Variants in SRBD1 observed in about 807,000 individuals in gnomAD.
The protein encoded by SRBD1 is S1 RNA-binding domain-containing protein 1.
Under a neutral mutation model 115.3 loss-of-function variants are expected in SRBD1, and 88 were observed. The observed-to-expected ratio is 0.76, with a 90% CI of 0.64 to 0.91. The LOEUF is 0.91. SRBD1 is among the 40% of genes least tolerant of loss of function. The pLI is 0.00. For missense variants in SRBD1, 1,385 were observed against 1,177.4 expected (o/e 1.18, Z -2.58); for synonymous variants, 509 against 407.7 (o/e 1.25, Z -2.99).
intron 14 of SRBD1, among the ~76,000 whole-genome samples, chr2:45,531,464 A>G (rs997494450): frequency 4.0e-5 from 6 of 151,872 alleles, no homozygotes; most frequent in African/African-American, 1.4e-4. Context: ...AATAAAGTAT[A>G]TATTTGAAGG....
chr2:45,403,689 T>C (rs1175950584), intron 19 of SRBD1, among the ~76,000 whole-genome samples: 1 of 152,156 alleles, frequency 6.6e-6, no homozygotes, highest in Admixed American at 6.6e-5. Flanking sequence ...TTTACTATGA[T>C]ATTCTACTAT....
At chr2:45,403,749 G>A (rs1170225784) in intron 19 of SRBD1, among the ~76,000 whole-genome samples, 1 of 151,962 alleles carries the variant, frequency 6.6e-6, no homozygotes. Context: ...AGTGGGGTAT[G>A]GTGGAGTAAC....
intron 14 of SRBD1, among the ~76,000 whole-genome samples, chr2:45,493,154 A>G (rs1409174729): frequency 6.6e-6 from 1 of 152,226 alleles, no homozygotes; most frequent in Non-Finnish European, 1.5e-5. Flanking sequence ...TTTAAAAATA[A>G]TTTATCTAAA....
intron 19 of SRBD1, among the ~76,000 whole-genome samples, chr2:45,405,935 G>A (rs1667424096): frequency 6.6e-6 from 1 of 152,140 alleles, no homozygotes; most frequent in Non-Finnish European, 1.5e-5. Context: ...AAGATAAAAG[G>A]TGGCCACAGC....
chr2:45,610,273 A>G (rs1674404030), intron 1 of SRBD1, among the ~76,000 whole-genome samples: 1 of 152,244 alleles, frequency 6.6e-6, no homozygotes, highest in Admixed American at 6.5e-5. Context: ...ACTAAATTAA[A>G]ATTGGAAAAA....
chr2:45,583,614 A>G (rs1177116929), intron 5 of SRBD1, among the ~76,000 whole-genome samples: 2 of 152,156 alleles, frequency 1.3e-5, no homozygotes, highest in African/African-American at 4.8e-5. Context: ...TGTATTTTCT[A>G]TTCACTATTT....
rs184361842 is a variant in SRBD1, at chr2:45,454,279, T to C, written c.2049+22714A>G. Among the ~76,000 whole-genome samples, 307 of 152,020 alleles carry C rather than the reference T, an allele frequency of 2.0e-3. 2 individuals carry two copies. Among genetic ancestry groups the C allele is most frequent in the African/African-American group, 7.3e-3 (302 of 41,542 alleles). On this transcript the variant is annotated intron_variant, in intron 16 of 20. Transcript: ENST00000263736. ...TGTGAGATAATGACTGGGAGCATGA[T>C]TCACTTTGAAAGACCTGGGAGAGTT...
At chr2:45,598,858 G>T (rs1041819698) in intron 4 of SRBD1, among the ~76,000 whole-genome samples, 1 of 152,162 alleles carries the variant, frequency 6.6e-6, no homozygotes, top group Admixed American at 6.5e-5. Context: ...AATGGTCCCA[G>T]AATGTGCTGG....
intron 17 of SRBD1, 73 bp from the exon 18 acceptor site, chr2:45,418,614 A>AT: frequency 3.7e-6 from 5 of 1,354,158 alleles, no homozygotes; most frequent in African/African-American, 1.5e-5. Flanking sequence ...CATTTGGATC[A>AT]TAAAAACGAC....
At position 45,610,101 on chromosome 2, in the gene SRBD1, G is replaced by A. The variant is rs564868289; in HGVS notation, c.-1+1118C>T. 2.0e-5 allele frequency among the ~76,000 whole-genome samples: 3 copies of A among 152,166 alleles called. No individual in the cohort carries two copies. In the South Asian group the frequency reaches 6.2e-4, roughly 31 times the overall value. Reference sequence around the variant, plus strand: ...ATATTCCTATTCTTCAGTGACTTGGGATTTTTCCCTCCTTTCAAACTATCT... The same window carrying A: ...ATATTCCTATTCTTCAGTGACTTGGAATTTTTCCCTCCTTTCAAACTATCT... On this transcript the variant is annotated intron_variant, in intron 1 of 20. Transcript: ENST00000263736.
At chr2:45,405,454 T>G (rs1257032873) in intron 19 of SRBD1, among the ~76,000 whole-genome samples, 1 of 152,158 alleles carries the variant, frequency 6.6e-6, no homozygotes. Flanking sequence ...TGCTAAGATA[T>G]TCATGAGAAA....
intron 1 of SRBD1, among the ~76,000 whole-genome samples, chr2:45,609,043 G>A (rs1036817242): frequency 6.6e-6 from 1 of 152,098 alleles, no homozygotes; most frequent in Non-Finnish European, 1.5e-5. Flanking sequence ...CTGGCCTCAG[G>A]TGATCTGCCT....
At chr2:45,569,692 A>C (rs1672950882) in intron 9 of SRBD1, among the ~76,000 whole-genome samples, 1 of 152,182 alleles carries the variant, frequency 6.6e-6, no homozygotes, top group Non-Finnish European at 1.5e-5. Context: ...TTCTCAAAAA[A>C]CTATAAAACC....
intron 16 of SRBD1, among the ~76,000 whole-genome samples, chr2:45,440,325 C>CTTA (rs1668625469): frequency 6.6e-6 from 1 of 152,116 alleles, no homozygotes; most frequent in African/African-American, 2.4e-5. Context: ...AGTAGGTGTT[C>CTTA]TTATGTCCCC....
chr2:45,420,469 A>G (rs1667963239), intron 16 of SRBD1, among the ~76,000 whole-genome samples: 1 of 152,250 alleles, frequency 6.6e-6, no homozygotes, highest in South Asian at 2.1e-4. Flanking sequence ...ACCACTAAGG[A>G]AGAAAATAGT....
chr2:45,538,044 T>G (rs1671819800), intron 14 of SRBD1, among the ~76,000 whole-genome samples: 1 of 152,146 alleles, frequency 6.6e-6, no homozygotes, highest in African/African-American at 2.4e-5. Context: ...TGGTAGGCTT[T>G]CAACAGATTC....
chr2:45,517,090 C>G (rs1190205880), intron 14 of SRBD1, among the ~76,000 whole-genome samples: 6 of 152,184 alleles, frequency 3.9e-5, no homozygotes, highest in Non-Finnish European at 7.3e-5. Flanking sequence ...GAAATTAGCT[C>G]TTCAGAAGGG....
At chr2:45,590,377 G>C (rs1558499114) in intron 4 of SRBD1, among the ~76,000 whole-genome samples, 1 of 152,112 alleles carries the variant, frequency 6.6e-6, no homozygotes, top group Non-Finnish European at 1.5e-5. Flanking sequence ...CTCCTTTGTA[G>C]GACTAACAAA....
At chr2:45,589,041 C>A (rs558349247) in intron 4 of SRBD1, among the ~76,000 whole-genome samples, 2 of 152,304 alleles carry the variant, frequency 1.3e-5, no homozygotes, top group South Asian at 2.1e-4. Context: ...TCCCTCCCCC[C>A]TCAAGCTCTG....
Sources: gnomAD v4.1 joint callset for allele counts (sites outside exome capture counted in the v4.1 genomes callset) on GRCh38, gnomAD v4.1.1 for gene constraint, MANE v1.5 for transcripts, NCBI Gene and HGNC (gene_info 2026-07-23, HGNC 2026-07-21) for gene names.